MRPS6: variants seen among roughly 807,000 people sequenced by gnomAD.
MRPS6 encodes mitochondrial ribosomal protein S6, also known as small ribosomal subunit protein bS6m.
A neutral mutation model predicts 13.1 loss-of-function variants in MRPS6; 6 were observed. That is an observed-to-expected ratio of 0.46 (90% CI 0.25 to 0.91). MRPS6 has a LOEUF of 0.91. Among genes scored for constraint, MRPS6 ranks in the 40% least tolerant of loss-of-function variants. The pLI is 0.18. For missense variants in MRPS6, 164 were observed against 155.6 expected, an observed-to-expected ratio of 1.05 and a Z score of -0.29; for synonymous variants, 61 against 56.5, an observed-to-expected ratio of 1.08 and a Z score of -0.36.
At position 34,142,608 on chromosome 21, in the gene MRPS6, C is replaced by A; in HGVS notation, c.*8C>A. Reference sequence around the variant, plus strand: ...AAGAAGAGGAAGAAGTGAGAAGATTCGCCAGATTTTAGCCTTATATGTAAT... The same window carrying A: ...AAGAAGAGGAAGAAGTGAGAAGATTAGCCAGATTTTAGCCTTATATGTAAT... On this transcript the variant is annotated 3_prime_UTR_variant, in exon 3 of 3. Coordinates refer to ENST00000399312, the MANE Select transcript of MRPS6 (RefSeq NM_032476.4). 2 of 1,588,432 alleles carry A rather than the reference C, an allele frequency of 1.3e-6. No homozygotes were observed. Among genetic ancestry groups the A allele is most frequent in the South Asian group, 2.3e-5 (2 of 85,738 alleles).
intron 1 of MRPS6, chr21:34,106,315 G>T (rs2148663376): frequency 2.9e-6 from 1 of 344,754 alleles, no homozygotes; most frequent in Non-Finnish European, 4.3e-6. Context: ...TAGTGTTCTG[G>T]GTCTCAGAGT....
chr21:34,115,663 G>A (rs555409138), intron 1 of MRPS6, among the ~76,000 whole-genome samples: 7 of 146,128 alleles, frequency 4.8e-5, no homozygotes, highest in African/African-American at 1.8e-4. Context: ...GTAGATCTGG[G>A]ACTTGAAGAC....
At chr21:34,079,358 C>A (rs899461897) in intron 1 of MRPS6, among the ~76,000 whole-genome samples, 1 of 152,110 alleles carries the variant, frequency 6.6e-6, no homozygotes, top group South Asian at 2.1e-4. Flanking sequence ...TATATAGACA[C>A]AATTTTCTAG....
At chr21:34,134,719 T>C (rs912736698) in intron 2 of MRPS6, among the ~76,000 whole-genome samples, 1 of 152,164 alleles carries the variant, frequency 6.6e-6, no homozygotes, top group African/African-American at 2.4e-5. Context: ...TTTTCGACTT[T>C]ATGATGGTGC....
chr21:34,114,760 A>T (rs568605315), intron 1 of MRPS6, among the ~76,000 whole-genome samples: 59 of 152,330 alleles, frequency 3.9e-4, no homozygotes, highest in Admixed American at 2.5e-3. Context: ...TAGTTGATTA[A>T]GGAACAAAGG....
At chr21:34,118,717 G>A (rs1458714981) in intron 1 of MRPS6, among the ~76,000 whole-genome samples, 1 of 152,058 alleles carries the variant, frequency 6.6e-6, no homozygotes, top group Non-Finnish European at 1.5e-5. Flanking sequence ...GTTTCGCCAT[G>A]TTGGCCAGGC....
intron 1 of MRPS6, chr21:34,102,525 A>G (rs2148661933): frequency 1.0e-6 from 1 of 1,000,012 alleles, no homozygotes; most frequent in South Asian, 4.7e-5. Context: ...TGTTTGGTAT[A>G]TCTGTATCAT....
At chr21:34,131,367 T>G (rs1298020450) in intron 2 of MRPS6, among the ~76,000 whole-genome samples, 3 of 152,278 alleles carry the variant, frequency 2.0e-5, no homozygotes, top group East Asian at 3.9e-4. Context: ...TGATTCTCTC[T>G]TTTCCCAGGG....
rs1979230895 is a variant in MRPS6, at chr21:34,101,393, G to A, written c.46-23948G>A. On this transcript the variant is annotated intron_variant, in intron 1 of 2. Transcript: ENST00000399312. ...TTGTTACCACAGTAGAGATAATTTA[G>A]TAGAAAAATGCTTTGAGGCTTCAGT... The A allele has an allele frequency of 3.0e-6, 3 of 1,000,046 alleles. No individual in the cohort carries two copies. In the South Asian group the frequency reaches 1.4e-4, roughly 47 times the overall value. 61.9% of individuals were successfully genotyped at this position (1,000,046 alleles called of 1,614,324 possible).
chr21:34,085,263 T>C (rs1240134686), intron 1 of MRPS6, among the ~76,000 whole-genome samples: 1 of 152,170 alleles, frequency 6.6e-6, no homozygotes, highest in Non-Finnish European at 1.5e-5. Flanking sequence ...TTGACTGTAG[T>C]TGCGTTTTCA....
At chr21:34,093,959 T>C (rs911243033) in intron 1 of MRPS6, among the ~76,000 whole-genome samples, 4 of 152,098 alleles carry the variant, frequency 2.6e-5, no homozygotes, top group African/African-American at 9.7e-5. Context: ...ACTTTTCTCC[T>C]CCTCCCTCTT....
intron 1 of MRPS6, among the ~76,000 whole-genome samples, chr21:34,115,260 C>T (rs1979857576): frequency 6.6e-6 from 1 of 152,120 alleles, no homozygotes; most frequent in Non-Finnish European, 1.5e-5. Flanking sequence ...TTGTTTTCAT[C>T]ACATTGCCCA....
intron 1 of MRPS6, among the ~76,000 whole-genome samples, chr21:34,076,432 A>G (rs1989332703): frequency 6.6e-6 from 1 of 152,228 alleles, no homozygotes; most frequent in South Asian, 2.1e-4. Context: ...TGTATTATGT[A>G]GAGTCAGTCA....
chr21:34,078,745 A>G (rs540232799), intron 1 of MRPS6, among the ~76,000 whole-genome samples: 1 of 152,362 alleles, frequency 6.6e-6, no homozygotes, highest in Admixed American at 6.5e-5. Flanking sequence ...GGGGTTTAAC[A>G]TGAAGGTGGA....
intron 1 of MRPS6, among the ~76,000 whole-genome samples, chr21:34,092,723 A>G (rs183799436): frequency 6.6e-6 from 1 of 152,242 alleles, no homozygotes; most frequent in African/African-American, 2.4e-5. Context: ...CTCTGAACAA[A>G]TAAGCTGCAG....
intron 1 of MRPS6, chr21:34,103,601 C>A (rs1979346231): frequency 1.0e-6 from 1 of 999,840 alleles, no homozygotes; most frequent in Admixed American, 6.2e-5. Context: ...ATTAGTGTAC[C>A]CACACATAGA....
At chr21:34,122,218 T>C (rs1214710475) in intron 1 of MRPS6, 1 of 152,210 alleles carries the variant, frequency 6.6e-6, no homozygotes, top group Non-Finnish European at 1.5e-5. Flanking sequence ...ATAGACACTA[T>C]GCAGATGTGT....
chr21:34,109,933 T>C (rs1979632167), intron 1 of MRPS6, among the ~76,000 whole-genome samples: 1 of 152,186 alleles, frequency 6.6e-6, no homozygotes, highest in Admixed American at 6.5e-5. Context: ...GTAGTTCTAG[T>C]AGGTTTTCAG....
chr21:34,140,947 C>G (rs1158402211), intron 2 of MRPS6, among the ~76,000 whole-genome samples: 1 of 151,762 alleles, frequency 6.6e-6, no homozygotes, highest in Non-Finnish European at 1.5e-5. Flanking sequence ...AATAATTATT[C>G]CACTAGGCTT....
Sources: gnomAD v4.1 joint callset for allele counts (sites outside exome capture counted in the v4.1 genomes callset) on GRCh38, gnomAD v4.1.1 for gene constraint, MANE v1.5 for transcripts, NCBI Gene and HGNC (gene_info 2026-07-23, HGNC 2026-07-21) for gene names.